PIK3R4: variants seen among roughly 807,000 people sequenced by gnomAD.
PIK3R4 encodes the protein phosphoinositide 3-kinase regulatory subunit 4.
Under a neutral mutation model 136.5 loss-of-function variants are expected in PIK3R4, and 46 were observed. The ratio of observed to expected loss-of-function variants is 0.34; its 90% confidence interval spans 0.27 to 0.43. The LOEUF is 0.43. PIK3R4 is among the 20% of genes least tolerant of loss of function. The pLI is 1.00. For synonymous variants in PIK3R4, 557 were observed against 566.7 expected (o/e 0.98, Z 0.24); for missense variants, 1,331 against 1,649.5 (o/e 0.81, Z 3.35).
At chr3:130,703,677 T>G in intron 13 of PIK3R4, 46 bp downstream of exon 13, 1 of 1,417,642 alleles carries the variant, frequency 7.1e-7, no homozygotes, top group Non-Finnish European at 9.9e-7. Context: ...AATAAACATT[T>G]GTTGATTTGA....
At chr3:130,729,785 A>G (rs991942306) in intron 5 of PIK3R4, among the ~76,000 whole-genome samples, 2 of 152,206 alleles carry the variant, frequency 1.3e-5, no homozygotes, top group Admixed American at 1.3e-4. Context: ...CTTTACTTCT[A>G]AATCTTTTAC....
intron 2 of PIK3R4, among the ~76,000 whole-genome samples, chr3:130,736,773 A>AG: frequency 6.6e-6 from 1 of 152,316 alleles, no homozygotes; most frequent in East Asian, 1.9e-4. Context: ...TTTATGCCCT[A>AG]GGCACAAGCA....
chr3:130,687,128 A>G lies in PIK3R4; in HGVS notation c.3264-706T>C, dbSNP rs114217000. ...ATATACATAATGAGGTATCTTGGGA[A>G]TGGGACACAAGTCTAAACATGAAAT... On this transcript the variant is annotated intron_variant, in intron 14 of 19. Coordinates refer to ENST00000356763, the MANE Select transcript of PIK3R4 (RefSeq NM_014602.3). Among the ~76,000 whole-genome samples, 285 of 151,810 alleles carry G rather than the reference A, an allele frequency of 1.9e-3. 1 individual carries two copies. Among genetic ancestry groups the G allele is most frequent in the African/African-American group, 6.7e-3 (277 of 41,324 alleles).
At chr3:130,699,095 T>C (rs1405890754) in intron 13 of PIK3R4, among the ~76,000 whole-genome samples, 2 of 152,210 alleles carry the variant, frequency 1.3e-5, no homozygotes, top group African/African-American at 4.8e-5. Flanking sequence ...TGCACAACTC[T>C]ACACATACAT....
intron 16 of PIK3R4, among the ~76,000 whole-genome samples, chr3:130,683,047 T>C (rs1199907001): frequency 6.6e-6 from 1 of 152,180 alleles, no homozygotes; most frequent in Non-Finnish European, 1.5e-5. Flanking sequence ...ATTCTGGCTA[T>C]ACTTTAAAAT....
intron 13 of PIK3R4, among the ~76,000 whole-genome samples, chr3:130,701,789 G>A (rs556925616): frequency 1.3e-5 from 2 of 152,066 alleles, no homozygotes; most frequent in Non-Finnish European, 2.9e-5. Context: ...TGCGCATGCT[G>A]AACTTTTTAG....
chr3:130,742,548 CTTG>C (rs1325932090), intron 2 of PIK3R4, among the ~76,000 whole-genome samples: 1 of 152,158 alleles, frequency 6.6e-6, no homozygotes, highest in Non-Finnish European at 1.5e-5. Flanking sequence ...TATTTACAAC[CTTG>C]AGGCTAACCC....
At chr3:130,717,242 C>T (rs2066669730) in intron 8 of PIK3R4, among the ~76,000 whole-genome samples, 1 of 151,700 alleles carries the variant, frequency 6.6e-6, no homozygotes, top group African/African-American at 2.4e-5. Context: ...TGAAGTCAGC[C>T]AGTGGAAACC....
chr3:130,686,964 G>C (rs1363795254), intron 14 of PIK3R4, among the ~76,000 whole-genome samples: 2 of 152,094 alleles, frequency 1.3e-5, no homozygotes, highest in Non-Finnish European at 2.9e-5. Context: ...CCACAGAAGT[G>C]ATGTGCCCTT....
In PIK3R4 at chr3:130,733,663, A is replaced by G. The variant is rs749080053; in HGVS notation, c.1335T>C (p.Leu445=). Residue 445 remains leucine, a synonymous_variant, in exon 4 of 20, where the codon CTT becomes CTC. Coordinates refer to ENST00000356763, the MANE Select transcript of PIK3R4 (RefSeq NM_014602.3). The part of the protein sequence containing the change: ...AEALRTLTKV[L]ALVKEVPRND... Reference sequence around the variant, plus strand: ...TACGAGGAACCTCTTTGACGAGAGCAAGAACTTTGGTCAACGTCCTCAAGG... The same window carrying G: ...TACGAGGAACCTCTTTGACGAGAGCGAGAACTTTGGTCAACGTCCTCAAGG... 6.2e-7 allele frequency: 1 copy of G among 1,614,096 alleles called. No individual in the cohort carries two copies. Among genetic ancestry groups the G allele is most frequent in the Non-Finnish European group, 8.5e-7 (1 of 1,179,900 alleles).
At chr3:130,708,195 A>C in intron 10 of PIK3R4, 96 bp downstream of exon 10, 1 of 980,708 alleles carries the variant, frequency 1.0e-6, no homozygotes, top group Non-Finnish European at 1.5e-6. Flanking sequence ...TTATCTGTGA[A>C]ATGGGGCTTT....
At position 130,744,995 on chromosome 3, in the gene PIK3R4, T is replaced by C. The variant is rs2066844784; in HGVS notation, c.224A>G (p.Lys75Arg). The C allele has an allele frequency of 1.2e-6, 2 of 1,614,068 alleles. No homozygotes were observed. Among genetic ancestry groups the C allele is most frequent in the Admixed American group, 1.7e-5 (1 of 60,008 alleles). Residue 75 changes from lysine (K) to arginine (R), a missense_variant, in exon 2 of 20, where the codon AAA (lysine) becomes AGA (arginine). Transcript: ENST00000356763. ...TSYKQELEELKIRLNSAQNCL... is the reference protein window; with the variant it reads ...TSYKQELEELRIRLNSAQNCL... ...ATTCTGTGCAGAATTAAGCCTGATTTTCAGTTCCTCCAGCTCTTGTTTATA... is the reference window on the plus strand; with the variant it reads ...ATTCTGTGCAGAATTAAGCCTGATTCTCAGTTCCTCCAGCTCTTGTTTATA...
Position 130,733,631 on chromosome 3 carries a change from A to G in PIK3R4, c.1367T>C (p.Ile456Thr). The G allele has an allele frequency of 3.7e-6, 6 of 1,614,110 alleles. No individual in the cohort carries two copies. The Middle Eastern group carries it at 4.9e-4, about 133-fold the overall frequency. Residue 456 changes from isoleucine (I) to threonine (T), a missense_variant, in exon 4 of 20, where the codon ATC (isoleucine) becomes ACC (threonine). Around this residue, in one of 2 missense-constraint regions of PIK3R4, gnomAD observed 1,180 missense variants for 1,407.0 expected, o/e 0.84. Coordinates refer to ENST00000356763, the MANE Select transcript of PIK3R4 (RefSeq NM_014602.3). The stretch of plus-strand genomic sequence containing the variant: ...CAGAATGTATTCCGGATAAATATTG[A>G]TATCATTACGAGGAACCTCTTTGAC... ...ALVKEVPRND[I>T]NIYPEYILPG...
intron 4 of PIK3R4, 84 bp from the exon 5 acceptor site, chr3:130,730,526 C>T (rs904907859): frequency 1.4e-5 from 13 of 906,350 alleles, no homozygotes; most frequent in African/African-American, 1.4e-4. Flanking sequence ...TGTCTTTATA[C>T]ATAAATAATC....
intron 3 of PIK3R4, among the ~76,000 whole-genome samples, chr3:130,735,054 C>T (rs998606326): frequency 1.3e-5 from 2 of 152,124 alleles, no homozygotes; most frequent in East Asian, 1.9e-4. Flanking sequence ...ACCAAAGCAA[C>T]GTAACAAGTA....
At chr3:130,739,896 A>T (rs2066810966) in intron 2 of PIK3R4, among the ~76,000 whole-genome samples, 2 of 152,240 alleles carry the variant, frequency 1.3e-5, no homozygotes, top group South Asian at 4.1e-4. Context: ...ATGAGGAAAC[A>T]TTAGACAAAC....
chr3:130,736,719 A>G (rs1185004172), intron 2 of PIK3R4, among the ~76,000 whole-genome samples: 1 of 152,248 alleles, frequency 6.6e-6, no homozygotes, highest in Non-Finnish European at 1.5e-5. Flanking sequence ...TTACTACTAC[A>G]AAGTCATATC....
chr3:130,708,727 T>C (rs1363458851), intron 9 of PIK3R4, among the ~76,000 whole-genome samples: 1 of 152,192 alleles, frequency 6.6e-6, no homozygotes, highest in African/African-American at 2.4e-5. Context: ...TCATGATTTA[T>C]ATCTTAACTT....
intron 1 of PIK3R4, among the ~76,000 whole-genome samples, chr3:130,745,750 G>A (rs1178630861): frequency 2.6e-5 from 4 of 152,224 alleles, no homozygotes; most frequent in Non-Finnish European, 4.4e-5. Context: ...CTGGCCGGGC[G>A]CGGTGGCTCA....
Sources: allele counts gnomAD v4.1 joint callset (sites outside exome capture counted in the v4.1 genomes callset), GRCh38; gene constraint gnomAD v4.1.1; regional missense constraint gnomAD v4.1.1; transcripts MANE v1.5; gene names NCBI Gene and HGNC (gene_info 2026-07-23, HGNC 2026-07-21).